MTIF2: variants seen among roughly 807,000 people sequenced by gnomAD.
The protein encoded by MTIF2 is translation initiation factor IF-2, mitochondrial.
MTIF2 carries 71 observed loss-of-function variants against 83.5 expected under a neutral mutation model. That is an observed-to-expected ratio of 0.85 (90% CI 0.70 to 1.04). The LOEUF is 1.04. MTIF2 is among the 50% of genes least tolerant of loss of function. The pLI, the probability that MTIF2 is intolerant of heterozygous loss-of-function variation, is 0.00. For missense variants in MTIF2, 957 were observed against 846.5 expected, an observed-to-expected ratio of 1.13 and a Z score of -1.62; for synonymous variants, 319 against 287.1, an observed-to-expected ratio of 1.11 and a Z score of -1.12.
chr2:55,236,883 A>T, intron 15 of MTIF2, 63 bp from the exon 16 acceptor site: 2 of 1,256,900 alleles, frequency 1.6e-6, no homozygotes, highest in East Asian at 5.3e-5. Flanking sequence ...TAAATACTAC[A>T]TTATGTGGTG....
At chr2:55,267,544 A>C (rs1283910827) in intron 3 of MTIF2, 25 bp downstream of exon 3, 1 of 165,994 alleles carries the variant, frequency 6.0e-6, no homozygotes, top group African/African-American at 2.4e-5. Flanking sequence ...ATTAGGCAAC[A>C]AAGGAACCTT....
intron 5 of MTIF2, among the ~76,000 whole-genome samples, chr2:55,261,218 G>C (rs1396583604): frequency 6.6e-6 from 1 of 152,096 alleles, no homozygotes; most frequent in African/African-American, 2.4e-5. Context: ...TCGATCTCCT[G>C]ACCTAGCCTC....
chr2:55,261,273 T>C (rs970661731), intron 5 of MTIF2, among the ~76,000 whole-genome samples: 1 of 152,188 alleles, frequency 6.6e-6, no homozygotes, highest in Admixed American at 6.5e-5. Flanking sequence ...GCCTGGCTAC[T>C]ACCAGTATTT....
At position 55,240,022 on chromosome 2, in the gene MTIF2, T is replaced by A. The variant is rs146093290; in HGVS notation, c.1859A>T (p.Glu620Val). 6.2e-7 allele frequency: 1 copy of A among 1,609,974 alleles called. No individual in the cohort carries two copies. Among genetic ancestry groups the A allele is most frequent in the African/African-American group, 1.3e-5 (1 of 74,994 alleles). Residue 620 changes from glutamate to valine, a missense_variant, in exon 14 of 16, where the codon GAG (glutamate) becomes GTG (valine). Physicochemically the swap from Glu to Val is moderately radical, Grantham distance 121. Coordinates refer to ENST00000263629, the MANE Select transcript of MTIF2 (RefSeq NM_002453.3). The part of the protein sequence containing the change: ...LSSRLPCAVE[E>V]HPVGEASILA... ...CAGTGATCACTCACCTACTGGGTGC[T>A]CTTCCACAGCACAGGGTAATCTGCT...
chr2:55,240,655 T>C (rs1457722177), intron 13 of MTIF2, among the ~76,000 whole-genome samples: 1 of 152,186 alleles, frequency 6.6e-6, no homozygotes, highest in Non-Finnish European at 1.5e-5. Flanking sequence ...GTTTTCCAAT[T>C]GATGAAAGAA....
chr2:55,242,357 C>G (rs1013397259), intron 13 of MTIF2, among the ~76,000 whole-genome samples: 1 of 152,130 alleles, frequency 6.6e-6, no homozygotes, highest in Non-Finnish European at 1.5e-5. Context: ...AATCACTCAA[C>G]AAATGTTTTT....
rs777325744 is a variant in MTIF2, at chr2:55,254,158, C to A, written c.547G>T (p.Val183Phe). The change falls in exon 7 of 16, where the codon GTT (valine) becomes TTT (phenylalanine). Residue 183 changes from valine (V) to phenylalanine (F), a missense_variant. Val to Phe is a conservative substitution (Grantham distance 50). Transcript: ENST00000263629. ...PALLTPRSPVVTIMGHVDHGK... is the reference protein window; with the variant it reads ...PALLTPRSPVFTIMGHVDHGK... ...TGATCAACATGGCCCATTATAGTAA[C>A]AACTGGGGACCTTGGGGTTAATAAA... 5.0e-6 allele frequency: 8 copies of A among 1,614,000 alleles called. No homozygotes were observed. In the Admixed American group the frequency reaches 1.2e-4, roughly 24 times the overall value.
Position 55,236,637 on chromosome 2 carries a change from T to G in MTIF2, c.*11A>C. The G allele has an allele frequency of 6.3e-7, 1 of 1,578,076 alleles. No individual in the cohort carries two copies. Among genetic ancestry groups the G allele is most frequent in the Non-Finnish European group, 8.6e-7 (1 of 1,166,728 alleles). ...ACAACACGTTGAGTTATTTACATTT[T>G]TAATGTAATTTTAAAATCCTGGATC... On this transcript the variant is annotated 3_prime_UTR_variant, in exon 16 of 16. Transcript: ENST00000263629.
At position 55,249,523 on chromosome 2, in the gene MTIF2, G is replaced by C. The variant is rs942195771; in HGVS notation, c.853C>G (p.Leu285Val). The C allele has an allele frequency of 1.9e-6, 3 of 1,613,490 alleles. No homozygotes were observed. The Admixed American group carries it at 5.0e-5, about 27-fold the overall frequency. ...HAKDAQVPII[L>V]AVNKCDKAEA... ...GCTTTGTCACATTTATTTACGGCAA[G>C]GATAATAGGAACTGAAAGAAATGGA... The change falls in exon 9 of 16, where the codon CTT (leucine) becomes GTT (valine). Residue 285 changes from leucine to valine, a missense_variant. This residue lies in a region of MTIF2 where 733 missense variants were observed against 648.7 expected (regional missense o/e 1.13). Transcript: ENST00000263629.
Position 55,252,471 on chromosome 2 carries a change from C to T in MTIF2, c.841+6G>A. On this transcript the variant is annotated splice_donor_region_variant and intron_variant, in intron 8 of 15. Coordinates refer to ENST00000263629, the MANE Select transcript of MTIF2 (RefSeq NM_002453.3). ...TAGTAGATCCATTAAGTCAGCCACACAGTACCCTGTGCATCTTTGGCATGC... is the reference window on the plus strand; with the variant it reads ...TAGTAGATCCATTAAGTCAGCCACATAGTACCCTGTGCATCTTTGGCATGC... 1.2e-6 allele frequency: 2 copies of T among 1,613,026 alleles called. No homozygotes were observed. The highest frequency in any genetic ancestry group is 2.2e-5 in the South Asian group (2 of 90,968).
chr2:55,240,290 C>A, intron 13 of MTIF2, 115 bp from the exon 14 acceptor site: 1 of 1,006,482 alleles, frequency 9.9e-7, no homozygotes, highest in Non-Finnish European at 1.4e-6. Flanking sequence ...ATTAAAATAG[C>A]AAATAAGAGG....
At position 55,249,476 on chromosome 2, in the gene MTIF2, C is replaced by A; in HGVS notation, c.900G>T (p.Val300=). The stretch of plus-strand genomic sequence containing the variant: ...CATCGTAAGCCAGCAGCTCTTTTTT[C>A]ACTTTCTCAGGATCAGCCTCAGCTT... ...CDKAEADPEK[V]KKELLAYDVV... Residue 300 remains valine (V), a synonymous_variant, in exon 9 of 16, where the codon GTG becomes GTT. Transcript: ENST00000263629. The A allele has an allele frequency of 1.2e-6, 2 of 1,614,114 alleles. No homozygotes were observed. The highest frequency in any genetic ancestry group is 1.7e-6 in the Non-Finnish European group (2 of 1,180,010).
Position 55,255,056 on chromosome 2 carries a change from T to C in MTIF2, c.332-231A>G, listed in dbSNP as rs142948962. On this transcript the variant is annotated intron_variant, in intron 5 of 15. Transcript: ENST00000263629. ...CGCATATTCATAAATATTTGAATATTTATGTATTCTAAGCCATCTGAATCA... is the reference window on the plus strand; with the variant it reads ...CGCATATTCATAAATATTTGAATATCTATGTATTCTAAGCCATCTGAATCA... Among the ~76,000 whole-genome samples the C allele has an allele frequency of 1.1e-3, 173 of 152,178 alleles. 3 individuals are homozygous for C. In the East Asian group the frequency reaches 0.024, roughly 21 times the overall value.
intron 5 of MTIF2, among the ~76,000 whole-genome samples, chr2:55,260,400 C>CA (rs70947016): frequency 0.014 from 1,174 of 86,720 alleles, 9 homozygotes; most frequent in Middle Eastern, 0.022. Context: ...AACTCTGTCT[C>CA]AAAAAAAAAA....
intron 7 of MTIF2, among the ~76,000 whole-genome samples, chr2:55,253,169 C>A (rs1378155269): frequency 1.3e-5 from 2 of 152,166 alleles, no homozygotes; most frequent in African/African-American, 4.8e-5. Context: ...ACTATTAATA[C>A]CTACCTTATG....
chr2:55,246,574 T>A, intron 9 of MTIF2, 113 bp from the exon 10 acceptor site: 1 of 874,730 alleles, frequency 1.1e-6, no homozygotes, highest in Non-Finnish European at 1.7e-6. Context: ...CTTTTCTCTT[T>A]AATCATTGAA....
intron 7 of MTIF2, 145 bp from the exon 8 acceptor site, chr2:55,252,798 C>T (rs577185890): frequency 3.5e-5 from 20 of 564,944 alleles, no homozygotes; most frequent in Non-Finnish European, 5.6e-5. Context: ...GAACACAGAT[C>T]ATCATTTCAC....
Position 55,236,802 on chromosome 2 carries a change from T to C in MTIF2, c.2030A>G (p.Lys677Arg), listed in dbSNP as rs1258564567. The C allele has an allele frequency of 1.2e-6, 2 of 1,603,318 alleles. No individual in the cohort carries two copies. Among genetic ancestry groups the C allele is most frequent in the South Asian group, 2.3e-5 (2 of 88,292 alleles). ...AATTGAAATGTCATCTTTATGGTGT[T>C]TCAATGAGGTTAATGAGCCTTAAAA... ...VIWKGSLTSL[K>R]HHKDDISIVK... Residue 677 changes from lysine to arginine, a missense_variant, in exon 16 of 16, where the codon AAA (lysine) becomes AGA (arginine). By Grantham distance (26) the Lys-to-Arg change is conservative. Around this residue, in one of 3 missense-constraint regions of MTIF2, gnomAD observed 221 missense variants for 180.6 expected, o/e 1.22. Coordinates refer to ENST00000263629, the MANE Select transcript of MTIF2 (RefSeq NM_002453.3).
At chr2:55,253,844 C>G (rs1677303694) in intron 7 of MTIF2, among the ~76,000 whole-genome samples, 197 bp downstream of exon 7, 1 of 150,822 alleles carries the variant, frequency 6.6e-6, no homozygotes, top group Non-Finnish European at 1.5e-5. Flanking sequence ...AAAAAGTTAA[C>G]AGTTAACACA....
Sources: allele counts gnomAD v4.1 joint callset (sites outside exome capture counted in the v4.1 genomes callset), GRCh38; gene constraint gnomAD v4.1.1; regional missense constraint gnomAD v4.1.1; transcripts MANE v1.5; gene names NCBI Gene and HGNC (gene_info 2026-07-23, HGNC 2026-07-21).